Variants in CCDC148 observed in about 807,000 individuals in gnomAD.
The protein encoded by CCDC148 is coiled-coil domain-containing protein 148.
A neutral mutation model predicts 85.7 loss-of-function variants in CCDC148; 89 were observed. The observed-to-expected ratio is 1.04, with a 90% CI of 0.87 to 1.24. The LOEUF is 1.24. Among genes scored for constraint, CCDC148 ranks in the 50% most tolerant of loss-of-function variants. CCDC148 has a pLI of 0.00. For missense variants in CCDC148, 692 were observed against 671.7 expected (o/e 1.03, Z -0.33); for synonymous variants, 230 against 213.9 (o/e 1.08, Z -0.66).
intron 10 of CCDC148, among the ~76,000 whole-genome samples, chr2:158,239,862 A>T (rs182844705): frequency 2.6e-3 from 395 of 151,722 alleles, no homozygotes; most frequent in African/African-American, 9.2e-3. Flanking sequence ...CCATTATATT[A>T]TCCTGATAAT....
chr2:158,379,335 G>A (rs891997564), intron 1 of CCDC148, among the ~76,000 whole-genome samples: 7 of 152,102 alleles, frequency 4.6e-5, no homozygotes, highest in Non-Finnish European at 1.0e-4. Flanking sequence ...GAACAGATGA[G>A]GAGTTGCTTC....
intron 11 of CCDC148, among the ~76,000 whole-genome samples, chr2:158,215,703 G>A (rs1686813710): frequency 6.6e-6 from 1 of 152,122 alleles, no homozygotes; most frequent in Non-Finnish European, 1.5e-5. Flanking sequence ...GAAGTTAGTA[G>A]TGAATAGTCG....
chr2:158,361,750 G>A (rs115216665), intron 1 of CCDC148, among the ~76,000 whole-genome samples: 4,171 of 152,184 alleles, frequency 0.027, 94 homozygotes, highest in Non-Finnish European at 0.045. Context: ...TCAGCACTAC[G>A]AAGAAACAAC....
At chr2:158,440,089 G>C (rs1687865777) in intron 1 of CCDC148, among the ~76,000 whole-genome samples, 1 of 151,758 alleles carries the variant, frequency 6.6e-6, no homozygotes, top group Non-Finnish European at 1.5e-5. Context: ...GGCTGGTCTT[G>C]AACATCTGGG....
chr2:158,299,086 T>C (rs1480196011), intron 9 of CCDC148, among the ~76,000 whole-genome samples: 1 of 152,200 alleles, frequency 6.6e-6, no homozygotes, highest in Non-Finnish European at 1.5e-5. Flanking sequence ...CTGTTTCTAT[T>C]TTCTTTATAA....
intron 2 of CCDC148, among the ~76,000 whole-genome samples, chr2:158,352,893 C>T (rs1683398270): frequency 2.6e-5 from 4 of 151,946 alleles, no homozygotes; most frequent in Admixed American, 6.6e-5. Flanking sequence ...AGAAACCCTA[C>T]AAGCCAGAAG....
At chr2:158,409,203 C>T (rs536091382) in intron 1 of CCDC148, among the ~76,000 whole-genome samples, 38 of 152,262 alleles carry the variant, frequency 2.5e-4, no homozygotes, top group Non-Finnish European at 4.3e-4. Context: ...GGGGAACTGA[C>T]TAGTGGAGCT....
At chr2:158,198,836 T>C (rs557976406) in intron 11 of CCDC148, among the ~76,000 whole-genome samples, 2 of 152,302 alleles carry the variant, frequency 1.3e-5, no homozygotes, top group African/African-American at 4.8e-5. Context: ...TGAAAAGCTA[T>C]TGTAAAGTTC....
intron 11 of CCDC148, among the ~76,000 whole-genome samples, chr2:158,192,580 T>G (rs1161371170): frequency 6.6e-6 from 1 of 152,070 alleles, no homozygotes; most frequent in Non-Finnish European, 1.5e-5. Context: ...CAAGAGGTGG[T>G]TGTGTCTCTT....
At chr2:158,354,772 C>T (rs1205902557) in intron 2 of CCDC148, among the ~76,000 whole-genome samples, 2 of 149,498 alleles carry the variant, frequency 1.3e-5, no homozygotes, top group African/African-American at 2.4e-5. Context: ...AGAGACACAA[C>T]AAAAAAAGAG....
chr2:158,394,849 C>T lies in CCDC148; in HGVS notation c.26-36279G>A, dbSNP rs1008050253. Among the ~76,000 whole-genome samples, 3 of 152,020 alleles carry T rather than the reference C, an allele frequency of 2.0e-5. No homozygotes were observed. The East Asian group carries it at 5.8e-4, about 29-fold the overall frequency. On this transcript the variant is annotated intron_variant, in intron 1 of 13. Coordinates refer to ENST00000283233, the MANE Select transcript of CCDC148 (RefSeq NM_138803.4). ...ACTAAGAAATTTTTCATTCACCCTC[C>T]TCCAACGCCAAAACTCTATTGTTTG... is the stretch of plus-strand genomic sequence containing the variant.
At chr2:158,362,900 T>A (rs963530636) in intron 1 of CCDC148, among the ~76,000 whole-genome samples, 6 of 151,434 alleles carry the variant, frequency 4.0e-5, no homozygotes, top group African/African-American at 9.7e-5. Context: ...TTTGAAAAAA[T>A]TAACAAAATA....
chr2:158,448,994 A>T (rs1435306541), intron 1 of CCDC148, among the ~76,000 whole-genome samples: 1 of 151,926 alleles, frequency 6.6e-6, no homozygotes, highest in East Asian at 2.0e-4. Context: ...CATCTGGCTA[A>T]TTTTTGTATT....
At chr2:158,201,535 G>T (rs1168466817) in intron 11 of CCDC148, among the ~76,000 whole-genome samples, 1 of 151,896 alleles carries the variant, frequency 6.6e-6, no homozygotes, top group Non-Finnish European at 1.5e-5. Context: ...TCAGCCTCCT[G>T]AGTAGCTGGA....
rs761202705 is a variant in CCDC148 at position 158,250,913 on chromosome 2, C to T, written c.1111-1G>A. 5.6e-6 allele frequency: 9 copies of T among 1,593,456 alleles called. No individual in the cohort carries two copies. Among genetic ancestry groups the T allele is most frequent in the Non-Finnish European group, 7.7e-6 (9 of 1,174,994 alleles). ...CTTGGTGGGCTCGCCATTGACGAAC[C>T]TGAAATAAAGAGAAAAACTTCATTC... is the stretch of plus-strand genomic sequence containing the variant. On this transcript the variant is annotated splice_acceptor_variant, in intron 9 of 13. Transcript: ENST00000283233. LOFTEE classifies it high-confidence loss of function.
At chr2:158,191,486 C>T (rs1308283000) in intron 11 of CCDC148, among the ~76,000 whole-genome samples, 6 of 151,982 alleles carry the variant, frequency 3.9e-5, no homozygotes, top group South Asian at 2.1e-4. Context: ...TTTTCACAAA[C>T]GCCTTCGGGG....
intron 11 of CCDC148, among the ~76,000 whole-genome samples, chr2:158,194,177 T>A (rs931491405): frequency 9.2e-5 from 14 of 152,160 alleles, no homozygotes; most frequent in Non-Finnish European, 1.9e-4. Context: ...GGCAATTTTT[T>A]TAAAATTTAA....
intron 1 of CCDC148, among the ~76,000 whole-genome samples, chr2:158,417,606 G>C (rs1115590): frequency 1 from 152,156 of 152,350 alleles, 75,981 homozygotes; most frequent in Middle Eastern, 1. Context: ...CCTCCTTCCC[G>C]TCTCTCCTTT....
At chr2:158,448,018 A>G (rs1169595673) in intron 1 of CCDC148, among the ~76,000 whole-genome samples, 1 of 152,102 alleles carries the variant, frequency 6.6e-6, no homozygotes, top group Non-Finnish European at 1.5e-5. Flanking sequence ...TAGCTCTTAC[A>G]GGTAGGTCTG....
Sources: gnomAD v4.1 joint callset for allele counts (sites outside exome capture counted in the v4.1 genomes callset) on GRCh38, gnomAD v4.1.1 for gene constraint, MANE v1.5 for transcripts, NCBI Gene and HGNC (gene_info 2026-07-23, HGNC 2026-07-21) for gene names.